The following TERF2IP variants were observed in gnomAD, a reference collection of about 807,000 sequenced individuals.
TERF2IP encodes telomeric repeat-binding factor 2-interacting protein 1.
Under a neutral mutation model 33.3 loss-of-function variants are expected in TERF2IP, and 35 were observed. The ratio of observed to expected loss-of-function variants is 1.05; its 90% CI spans 0.80 to 1.39. The LOEUF (loss-of-function observed/expected upper bound fraction) is 1.39, where lower values mean the gene tolerates loss of function less well. Ranked by LOEUF, TERF2IP falls within the 40% of genes most tolerant of loss-of-function variation. The pLI is 0.00. For missense variants in TERF2IP, 583 were observed against 524.8 expected (o/e 1.11, Z -1.08); for synonymous variants, 253 against 223.2 (o/e 1.13, Z -1.19).
At chr16:75,651,908 A>G (rs1216743868) in intron 1 of TERF2IP, among the ~76,000 whole-genome samples, 1 of 151,990 alleles carries the variant, frequency 6.6e-6, no homozygotes, top group East Asian at 1.9e-4. Context: ...AGGAGATGTT[A>G]TACTTTATCT....
Position 75,656,685 on chromosome 16 carries a change from T to C in TERF2IP, c.*74T>C. The C allele has an allele frequency of 7.1e-7, 1 of 1,405,996 alleles. No homozygotes were observed. Among genetic ancestry groups the C allele is most frequent in the Admixed American group, 2.3e-5 (1 of 43,968 alleles). The allele number at this position is 1,405,996 out of a possible 1,614,324, so 87.1% of individuals were successfully genotyped here. On this transcript the variant is annotated 3_prime_UTR_variant, in exon 3 of 3. Transcript: ENST00000300086. ...AAAAAAAATTGTGACCAATGAACTT[T>C]AGAGAGTTCTTGCATTGGAACTGGC...
chr16:75,654,791 C>G (rs923104436), intron 2 of TERF2IP, among the ~76,000 whole-genome samples: 1 of 152,070 alleles, frequency 6.6e-6, no homozygotes, highest in Non-Finnish European at 1.5e-5. Context: ...TGCAGTGGTG[C>G]GATCTTGGCT....
In TERF2IP at chr16:75,647,816, T is replaced by C. The variant is rs566700511; in HGVS notation, c.-67T>C. 3.2e-6 allele frequency: 5 copies of C among 1,584,286 alleles called. No individual in the cohort carries two copies. Among genetic ancestry groups the C allele is most frequent in the Non-Finnish European group, 3.5e-6 (4 of 1,157,122 alleles). ...AGAGGCGTCTGCGGTGACAGCTCAG[T>C]CAGTTGAGCTCTGTGTGCCAGGCGC... On this transcript the variant is annotated 5_prime_UTR_variant, in exon 1 of 3. Transcript: ENST00000300086.
intron 1 of TERF2IP, among the ~76,000 whole-genome samples, chr16:75,652,103 G>A (rs748392997): frequency 7.2e-5 from 11 of 152,042 alleles, no homozygotes; most frequent in Non-Finnish European, 1.3e-4. Flanking sequence ...AATTTATCCC[G>A]TAGATATACT....
chr16:75,649,501 GCCACTGCTCT>G (rs1386747922), intron 1 of TERF2IP, among the ~76,000 whole-genome samples: 1 of 150,626 alleles, frequency 6.6e-6, no homozygotes, highest in Non-Finnish European at 1.5e-5. Context: ...CCGAGACTGC[GCCACTGCTCT>G]CCAGCGTGGG....
At chr16:75,655,647 TCATATAG>T (rs1364446035) in intron 2 of TERF2IP, among the ~76,000 whole-genome samples, 3 of 152,226 alleles carry the variant, frequency 2.0e-5, no homozygotes, top group Non-Finnish European at 4.4e-5. Context: ...AGGCCTCTTC[TCATATAG>T]CATGCTTTGT....
chr16:75,651,595 A>G (rs1247113547), intron 1 of TERF2IP, among the ~76,000 whole-genome samples: 1 of 152,172 alleles, frequency 6.6e-6, no homozygotes, highest in Non-Finnish European at 1.5e-5. Flanking sequence ...CAGCTGAGGC[A>G]TGAAAATTGC....
chr16:75,655,734 A>T (rs1597189554), intron 2 of TERF2IP, among the ~76,000 whole-genome samples: 1 of 152,196 alleles, frequency 6.6e-6, no homozygotes, highest in African/African-American at 2.4e-5. Context: ...AGTACTTACT[A>T]TGTATAGGCA....
In TERF2IP at chr16:75,648,512, G is replaced by A. The variant is rs2082320752; in HGVS notation, c.630G>A (p.Lys210=). 1 of 1,579,964 alleles carries A rather than the reference G, an allele frequency of 6.3e-7. No individual in the cohort carries two copies. The highest frequency in any genetic ancestry group is 8.6e-7 in the Non-Finnish European group (1 of 1,161,996). The change falls in exon 1 of 3, where the codon AAG becomes AAA. Residue 210 remains lysine (K), a synonymous_variant. Transcript: ENST00000300086. Reference sequence around the variant, plus strand: ...TGAGCCCCTCCTCCCAGAAGCTCAAGCGGAAGGCGGAGGAGGACCCGGAGG... The same window carrying A: ...TGAGCCCCTCCTCCCAGAAGCTCAAACGGAAGGCGGAGGAGGACCCGGAGG... ...APVSPSSQKL[K]RKAEEDPEAA... is the part of the protein sequence containing the mutation.
chr16:75,655,941 A>T (rs1322135731), intron 2 of TERF2IP, among the ~76,000 whole-genome samples: 2 of 152,114 alleles, frequency 1.3e-5, no homozygotes, highest in African/African-American at 4.8e-5. Flanking sequence ...TACTATAGTC[A>T]ATTATACACA....
intron 1 of TERF2IP, among the ~76,000 whole-genome samples, chr16:75,648,955 G>A (rs112934609): frequency 0.031 from 4,734 of 152,166 alleles, 110 homozygotes; most frequent in African/African-American, 0.063. Context: ...TGGACCTCCT[G>A]GGCTCAAGCG....
Position 75,654,367 on chromosome 16 carries a change from G to T in TERF2IP, c.765G>T (p.Val255=). The change falls in exon 2 of 3, where the codon GTG becomes GTT. Residue 255 remains valine, a synonymous_variant. Transcript: ENST00000300086. ...AAGAAGCAGTCAAAAAGATGCTTGT[G>T]GAAGCCACCCGGGAGTTTGAGGAGG... ...ENEEAVKKML[V]EATREFEEVV... is the part of the protein sequence containing the mutation. 3.1e-6 allele frequency: 5 copies of T among 1,613,826 alleles called. No homozygotes were observed. The highest frequency in any genetic ancestry group is 4.2e-6 in the Non-Finnish European group (5 of 1,179,832).
Position 75,656,321 on chromosome 16 carries a change from G to T in TERF2IP, c.910G>T (p.Glu304Ter), listed in dbSNP as rs1567511259. Residue 304 changes from glutamate to a stop codon, truncating the protein, a stop_gained, in exon 3 of 3, where the codon GAA (glutamate) becomes TAA (stop). Coordinates refer to ENST00000300086, the MANE Select transcript of TERF2IP (RefSeq NM_018975.4). LOFTEE classifies it high-confidence loss of function. ...TGATGAGGAGGAAGAAGAAGAAGAA[G>T]AAAAAGTTTCTCAACCAGAGGTGGG... is the stretch of plus-strand genomic sequence containing the variant. ...QPDEEEEEEEEKVSQPEVGAA... is the reference protein window; with the variant it reads ...QPDEEEEEEE 1.9e-6 allele frequency: 3 copies of T among 1,614,132 alleles called. No homozygotes were observed. Among genetic ancestry groups the T allele is most frequent in the Non-Finnish European group, 2.5e-6 (3 of 1,180,006 alleles).
In TERF2IP at chr16:75,648,344, G is replaced by A. The variant is rs773739358; in HGVS notation, c.462G>A (p.Ser154=). Reference sequence around the variant, plus strand: ...CCTACGTGAAGGAAAATGCCCGCTCGCCCAGCTCCGTCACCGGTAACGCCT... The same window carrying A: ...CCTACGTGAAGGAAAATGCCCGCTCACCCAGCTCCGTCACCGGTAACGCCT... ...ILTYVKENAR[S]PSSVTGNALW... The change falls in exon 1 of 3, where the codon TCG becomes TCA. Residue 154 remains serine, a synonymous_variant. Transcript: ENST00000300086. 24 of 1,589,854 alleles carry A rather than the reference G, an allele frequency of 1.5e-5. No homozygotes were observed. Among genetic ancestry groups the A allele is most frequent in the Admixed American group, 5.4e-5 (3 of 55,930 alleles).
Position 75,657,196 on chromosome 16 carries a change from T to G in TERF2IP, c.*585T>G, listed in dbSNP as rs887726588. ...GGGTACCCTGCTCTTTGGCTGTTCT[T>G]TTTTTGGAGCCCTTCTCAGTCAAGT... On this transcript the variant is annotated 3_prime_UTR_variant, in exon 3 of 3. Coordinates refer to ENST00000300086, the MANE Select transcript of TERF2IP (RefSeq NM_018975.4). 6.6e-6 allele frequency: 1 copy of G among 152,290 alleles called. No individual in the cohort carries two copies. Among genetic ancestry groups the G allele is most frequent in the Admixed American group, 6.5e-5 (1 of 15,284 alleles). The allele number at this position is 152,290 out of a possible 1,614,324, so 9.4% of individuals were successfully genotyped here. A position where few individuals can be genotyped will look rare whatever the true frequency, so the allele number is the denominator to read the frequency against.
chr16:75,653,790 C>T (rs1402633171), intron 1 of TERF2IP, among the ~76,000 whole-genome samples: 1 of 152,088 alleles, frequency 6.6e-6, no homozygotes, highest in African/African-American at 2.4e-5. Context: ...CAGAGTTGCC[C>T]ATGGTTTTGG....
chr16:75,651,564 C>T (rs908210966), intron 1 of TERF2IP, among the ~76,000 whole-genome samples: 3 of 152,128 alleles, frequency 2.0e-5, no homozygotes. Flanking sequence ...TGGCATGCGC[C>T]TGTAATCGCA....
rs1441518743 is a variant in TERF2IP at position 75,648,023 on chromosome 16, G to C, written c.141G>C (p.Leu47=). The stretch of plus-strand genomic sequence containing the variant: ...AGCGTCGGCTGTCGACGCTCATCCT[G>C]CACGGCGGCGGCACCGTGTGCCGAG... ...PAKRRLSTLI[L]HGGGTVCRVQ... is the part of the protein sequence containing the mutation. Residue 47 remains leucine (L), a synonymous_variant, in exon 1 of 3, where the codon CTG becomes CTC. Coordinates refer to ENST00000300086, the MANE Select transcript of TERF2IP (RefSeq NM_018975.4). 1.2e-6 allele frequency: 2 copies of C among 1,611,918 alleles called. No homozygotes were observed. The highest frequency in any genetic ancestry group is 1.7e-6 in the Non-Finnish European group (2 of 1,179,340).
chr16:75,650,935 T>A (rs145289761), intron 1 of TERF2IP, among the ~76,000 whole-genome samples: 2,299 of 152,280 alleles, frequency 0.015, 22 homozygotes, highest in Middle Eastern at 0.037. Context: ...ATCTAAGTAA[T>A]CTTTTGATAA....
Sources: allele counts gnomAD v4.1 joint callset (sites outside exome capture counted in the v4.1 genomes callset), GRCh38; gene constraint gnomAD v4.1.1; transcripts MANE v1.5; gene names NCBI Gene and HGNC (gene_info 2026-07-23, HGNC 2026-07-21).